The following GRIA4 variants were observed in gnomAD, a reference collection of about 807,000 sequenced individuals.
GRIA4 encodes glutamate ionotropic receptor AMPA type subunit 4.
In GRIA4, 34 loss-of-function variants were observed where a neutral mutation model predicts 104.0. The observed-to-expected ratio is 0.33, with a 90% CI of 0.25 to 0.44. The LOEUF (loss-of-function observed/expected upper bound fraction) is 0.44, where lower values mean the gene tolerates loss of function less well. GRIA4 is among the 20% of genes least tolerant of loss of function. The pLI, the probability that GRIA4 is intolerant of heterozygous loss-of-function variation, is 1.00. For missense variants in GRIA4, 750 were observed against 1,096.5 expected (o/e 0.68, Z 4.46); for synonymous variants, 386 against 381.9 (o/e 1.01, Z -0.13).
intron 4 of GRIA4, among the ~76,000 whole-genome samples, chr11:105,761,178 T>A (rs1156511208): frequency 2.0e-5 from 3 of 152,160 alleles, no homozygotes; most frequent in Non-Finnish European, 4.4e-5. Context: ...ATTTTTAGCA[T>A]CTTCCAGGGA....
At chr11:105,783,744 TTGTGTGTGTGTGTGTGTGTGTG>T (rs56222983) in intron 4 of GRIA4, among the ~76,000 whole-genome samples, 1 of 145,376 alleles carries the variant, frequency 6.9e-6, no homozygotes, top group Non-Finnish European at 1.5e-5. Context: ...TGGATGTTAT[TTGTGTGTGTGTGTGTGTGTGTG>T]TGTGTGTGTG....
chr11:105,779,234 G>A (rs78754282), intron 4 of GRIA4, among the ~76,000 whole-genome samples: 19 of 151,926 alleles, frequency 1.3e-4, no homozygotes, highest in East Asian at 3.9e-4. Flanking sequence ...TGAATAGTGC[G>A]ACATGAAGGA....
intron 3 of GRIA4, among the ~76,000 whole-genome samples, chr11:105,708,345 A>C (rs1953783394): frequency 6.6e-6 from 1 of 152,148 alleles, no homozygotes; most frequent in Non-Finnish European, 1.5e-5. Flanking sequence ...AGAATGTGAA[A>C]AGAATGATAC....
intron 4 of GRIA4, among the ~76,000 whole-genome samples, chr11:105,780,935 TCA>T (rs964376318): frequency 1.3e-5 from 2 of 151,700 alleles, no homozygotes; most frequent in Non-Finnish European, 2.9e-5. Flanking sequence ...TGCCTTTCTT[TCA>T]CACACACACA....
At chr11:105,633,812 C>G (rs762161930) in intron 3 of GRIA4, among the ~76,000 whole-genome samples, 4 of 152,090 alleles carry the variant, frequency 2.6e-5, no homozygotes, top group Non-Finnish European at 4.4e-5. Flanking sequence ...ATTTACAAAA[C>G]TTTTCCATTA....
At chr11:105,882,841 CA>C (rs1376536127) in intron 5 of GRIA4, among the ~76,000 whole-genome samples, 2 of 152,122 alleles carry the variant, frequency 1.3e-5, no homozygotes, top group Non-Finnish European at 2.9e-5. Context: ...AAAGTGAAGT[CA>C]ATATGGAAAA....
At chr11:105,754,749 A>C (rs1038325502) in intron 4 of GRIA4, among the ~76,000 whole-genome samples, 2 of 152,178 alleles carry the variant, frequency 1.3e-5, no homozygotes, top group Non-Finnish European at 2.9e-5. Flanking sequence ...TCATCTGTGG[A>C]TTCTGTCTTC....
intron 3 of GRIA4, among the ~76,000 whole-genome samples, chr11:105,631,042 C>A (rs1030105359): frequency 2.6e-5 from 4 of 152,148 alleles, no homozygotes; most frequent in Non-Finnish European, 4.4e-5. Flanking sequence ...CTTCTACTCC[C>A]CACCTTGTTT....
chr11:105,805,443 G>C (rs1942906631), intron 4 of GRIA4, among the ~76,000 whole-genome samples: 1 of 127,142 alleles, frequency 7.9e-6, no homozygotes, highest in Non-Finnish European at 1.6e-5. Flanking sequence ...AAATGCCCAA[G>C]TAGTGTAAAG....
At chr11:105,776,953 C>T (rs1278087087) in intron 4 of GRIA4, among the ~76,000 whole-genome samples, 1 of 152,164 alleles carries the variant, frequency 6.6e-6, no homozygotes, top group African/African-American at 2.4e-5. Context: ...ATGACACTAA[C>T]AGGGAGTTCC....
At chr11:105,785,307 A>T in intron 4 of GRIA4, among the ~76,000 whole-genome samples, 1 of 152,346 alleles carries the variant, frequency 6.6e-6, no homozygotes, top group East Asian at 1.9e-4. Context: ...GCACGTATAT[A>T]TAAATATGCA....
At chr11:105,883,625 C>T (rs1261190799) in intron 5 of GRIA4, among the ~76,000 whole-genome samples, 2 of 152,132 alleles carry the variant, frequency 1.3e-5, no homozygotes, top group Non-Finnish European at 2.9e-5. Context: ...TTTATGGCTG[C>T]ATAGTATTCC....
intron 4 of GRIA4, among the ~76,000 whole-genome samples, chr11:105,855,537 C>A (rs1250180071): frequency 6.6e-6 from 1 of 151,792 alleles, no homozygotes; most frequent in African/African-American, 2.4e-5. Context: ...ACTTTATGAG[C>A]AAAATAATAG....
chr11:105,830,970 G>GCA (rs143570637), intron 4 of GRIA4, among the ~76,000 whole-genome samples: 2,441 of 148,698 alleles, frequency 0.016, 59 homozygotes, highest in African/African-American at 0.052. Context: ...ATACACACAC[G>GCA]CACACACACA....
At chr11:105,900,860 GAGC>G (rs1478763383) in intron 7 of GRIA4, among the ~76,000 whole-genome samples, 1 of 152,144 alleles carries the variant, frequency 6.6e-6, no homozygotes, top group Non-Finnish European at 1.5e-5. Flanking sequence ...TTACAGGCAT[GAGC>G]CACTGCGCCT....
intron 14 of GRIA4, among the ~76,000 whole-genome samples, chr11:105,969,403 T>C (rs990286219): frequency 3.3e-5 from 5 of 152,308 alleles, no homozygotes; most frequent in African/African-American, 7.2e-5. Flanking sequence ...ACATTAATTA[T>C]GGTTAATACT....
intron 3 of GRIA4, among the ~76,000 whole-genome samples, chr11:105,736,152 C>T (rs1475206494): frequency 6.6e-6 from 1 of 152,064 alleles, no homozygotes; most frequent in African/African-American, 2.4e-5. Context: ...GGCCTTTAAT[C>T]CCTCTTGGCA....
intron 3 of GRIA4, among the ~76,000 whole-genome samples, chr11:105,681,338 GT>G: frequency 6.6e-6 from 1 of 152,232 alleles, no homozygotes; most frequent in East Asian, 1.9e-4. Context: ...AATTCAATTT[GT>G]TTACTGTTTT....
chr11:105,663,699 T>G (rs1203547899), intron 3 of GRIA4, among the ~76,000 whole-genome samples: 1 of 151,830 alleles, frequency 6.6e-6, no homozygotes, highest in Non-Finnish European at 1.5e-5. Flanking sequence ...CATAGAGAAA[T>G]AAACGTTTTA....
Sources: gnomAD v4.1 joint callset for allele counts (sites outside exome capture counted in the v4.1 genomes callset) on GRCh38, gnomAD v4.1.1 for gene constraint, MANE v1.5 for transcripts, NCBI Gene and HGNC (gene_info 2026-07-23, HGNC 2026-07-21) for gene names.